PATJ: variants seen among roughly 807,000 people sequenced by gnomAD.
PATJ encodes inaD-like protein.
In PATJ, 190 loss-of-function variants were observed where a neutral mutation model predicts 224.9. That is an observed-to-expected ratio of 0.84 (90% CI 0.75 to 0.95). PATJ has a LOEUF of 0.95. PATJ is among the 40% of genes least tolerant of loss of function. The probability of loss-of-function intolerance (pLI) is 0.00; values close to 1 mark genes in which losing one functional copy is unlikely to be tolerated. For missense variants in PATJ, 2,121 were observed against 2,270.3 expected (o/e 0.93, Z 1.34); for synonymous variants, 769 against 820.3 (o/e 0.94, Z 1.07).
At chr1:61,922,170 A>G (rs1404897827) in intron 26 of PATJ, among the ~76,000 whole-genome samples, 1 of 151,974 alleles carries the variant, frequency 6.6e-6, no homozygotes, top group Non-Finnish European at 1.5e-5. Context: ...AGACTCCTAA[A>G]TAGCTGGGAC....
chr1:62,119,544 C>T (rs1441487178), intron 37 of PATJ, among the ~76,000 whole-genome samples: 1 of 151,994 alleles, frequency 6.6e-6, no homozygotes, highest in African/African-American at 2.4e-5. Flanking sequence ...AATGACTTTC[C>T]CCCAAACCAG....
At chr1:61,870,106 C>T (rs1333250433) in intron 20 of PATJ, among the ~76,000 whole-genome samples, 1 of 152,080 alleles carries the variant, frequency 6.6e-6, no homozygotes, top group African/African-American at 2.4e-5. Context: ...TGTATCCACA[C>T]TTGTGGCTCC....
intron 27 of PATJ, among the ~76,000 whole-genome samples, chr1:61,949,622 A>C (rs1009386115): frequency 6.6e-6 from 1 of 152,234 alleles, no homozygotes; most frequent in Non-Finnish European, 1.5e-5. Flanking sequence ...CAAGAAGTGA[A>C]TAGGCCAGGT....
In PATJ at chr1:61,802,802, A is replaced by G. The variant is rs1652809058; in HGVS notation, c.1549+1033A>G. Among the ~76,000 whole-genome samples, 3 of 152,086 alleles carry G rather than the reference A, an allele frequency of 2.0e-5. No individual in the cohort carries two copies. The South Asian group carries it at 6.2e-4, about 32-fold the overall frequency. ...TGTATTTTGATACCTTAGCTATTAT[A>G]GTGGACTCTACTCTCCAAGCTCATT... On this transcript the variant is annotated intron_variant, in intron 12 of 43. Coordinates refer to ENST00000642238, the MANE Select transcript of PATJ (RefSeq NM_001350145.3).
chr1:61,928,798 T>C (rs1409410638), intron 27 of PATJ, among the ~76,000 whole-genome samples: 1 of 147,168 alleles, frequency 6.8e-6, no homozygotes, highest in Admixed American at 6.7e-5. Flanking sequence ...AACGAATATA[T>C]AAATAGAAAT....
chr1:62,064,343 T>A (rs1253099754), intron 31 of PATJ, among the ~76,000 whole-genome samples: 2 of 150,808 alleles, frequency 1.3e-5, no homozygotes, highest in Non-Finnish European at 3.0e-5. Context: ...TTTTTTTTTT[T>A]AGACCGAGTC....
chr1:62,051,914 T>A (rs1653701690), intron 31 of PATJ, among the ~76,000 whole-genome samples: 1 of 152,178 alleles, frequency 6.6e-6, no homozygotes, highest in South Asian at 2.1e-4. Flanking sequence ...GTTCTTTGAT[T>A]TTCCTACACG....
At chr1:61,964,438 C>CTA (rs1681779570) in intron 27 of PATJ, among the ~76,000 whole-genome samples, 1 of 152,034 alleles carries the variant, frequency 6.6e-6, no homozygotes, top group Non-Finnish European at 1.5e-5. Context: ...AGCCAGTTAA[C>CTA]TATATATATA....
intron 27 of PATJ, among the ~76,000 whole-genome samples, chr1:61,974,287 T>C (rs1252637374): frequency 6.6e-6 from 1 of 152,016 alleles, no homozygotes; most frequent in Admixed American, 6.5e-5. Flanking sequence ...TTTTATGTTT[T>C]AAGCCTAAAG....
chr1:61,808,812 G>A (rs1654106238), intron 14 of PATJ, among the ~76,000 whole-genome samples: 1 of 152,174 alleles, frequency 6.6e-6, no homozygotes, highest in Non-Finnish European at 1.5e-5. Flanking sequence ...GGGTCTCACT[G>A]TTATGAAAGA....
Position 61,980,471 on chromosome 1 carries a change from GT to G in PATJ, c.3671-9696del, listed in dbSNP as rs1557983903. On this transcript the variant is annotated intron_variant, in intron 27 of 43. Transcript: ENST00000642238. ...TGTGTGTGTGTGTGTGTGTGTGTGT[GT>G]GTGTGTGGTATGCATTTTCATATAG... Among the ~76,000 whole-genome samples, 997 of 133,342 alleles carry G rather than the reference GT, an allele frequency of 7.5e-3. 23 individuals carry two copies. The highest frequency in any genetic ancestry group is 0.03 in the East Asian group (148 of 4,934). The allele number at this position is 133,342 out of a possible 152,430, so 87.5% of individuals were successfully genotyped here.
Position 62,017,963 on chromosome 1 carries a change from C to A in PATJ, c.3959+16C>A, listed in dbSNP as rs773200792. On this transcript the variant is annotated intron_variant, in intron 29 of 43. Coordinates refer to ENST00000642238, the MANE Select transcript of PATJ (RefSeq NM_001350145.3). The stretch of plus-strand genomic sequence containing the variant: ...TTTTCATCAGGTAAGATTGCTAGAT[C>A]TGGTTTTGCAAAATCAAAGACCTCT... The A allele has an allele frequency of 4.0e-6, 6 of 1,488,298 alleles. No individual in the cohort carries two copies. The Admixed American group carries it at 1.0e-4, about 25-fold the overall frequency. 92.2% of individuals were successfully genotyped at this position (1,488,298 alleles called of 1,614,324 possible). A position where few individuals can be genotyped will look rare whatever the true frequency, so the allele number is the denominator to read the frequency against.
At chr1:62,125,257 A>AC (rs1416041148) in intron 39 of PATJ, among the ~76,000 whole-genome samples, 1,520 of 111,630 alleles carry the variant, frequency 0.014, 64 homozygotes, top group Admixed American at 0.094. Context: ...AAAAAAACAA[A>AC]AAAAAACAAA....
intron 30 of PATJ, among the ~76,000 whole-genome samples, chr1:62,047,029 A>T (rs1426615045): frequency 1.3e-5 from 2 of 152,214 alleles, no homozygotes; most frequent in Non-Finnish European, 2.9e-5. Context: ...CTTATCTTCA[A>T]TATGCATATT....
At chr1:62,128,607 C>A in intron 40 of PATJ, 1 of 490,688 alleles carries the variant, frequency 2.0e-6, no homozygotes, top group East Asian at 3.2e-5. Flanking sequence ...CAAAAATGGC[C>A]TACTGTGCCT....
chr1:61,930,888 C>A (rs1325929413), intron 27 of PATJ, among the ~76,000 whole-genome samples: 1 of 152,102 alleles, frequency 6.6e-6, no homozygotes, highest in African/African-American at 2.4e-5. Context: ...TTAGTAGAGA[C>A]AGGGTTTCTT....
chr1:62,163,653 A>G lies in PATJ; in HGVS notation c.*2599A>G, dbSNP rs1056207542. Reference sequence around the variant, plus strand: ...CATAATCGGTTCTGTCTCCGCTCACATGACTAATACGTAATTGCCTTTCCA... The same window carrying G: ...CATAATCGGTTCTGTCTCCGCTCACGTGACTAATACGTAATTGCCTTTCCA... On this transcript the variant is annotated 3_prime_UTR_variant, in exon 44 of 44. Transcript: ENST00000642238. The G allele has an allele frequency of 6.6e-6, 1 of 152,568 alleles. No individual in the cohort carries two copies. The highest frequency in any genetic ancestry group is 1.5e-5 in the Non-Finnish European group (1 of 68,032). 9.5% of individuals were successfully genotyped at this position (152,568 alleles called of 1,614,324 possible).
chr1:62,122,823 C>CAA (rs367957104), intron 38 of PATJ, among the ~76,000 whole-genome samples, 198 bp from the exon 39 acceptor site: 3 of 127,704 alleles, frequency 2.3e-5, no homozygotes, highest in Non-Finnish European at 5.0e-5. Context: ...GACTCTGTGT[C>CAA]AAAAAAAAAA....
At chr1:61,831,529 G>A (rs369549249) in intron 16 of PATJ, among the ~76,000 whole-genome samples, 13 of 152,020 alleles carry the variant, frequency 8.6e-5, no homozygotes, top group East Asian at 1.9e-4. Flanking sequence ...AGGACACGTC[G>A]CACACTTCTC....
Sources: allele counts gnomAD v4.1 joint callset (sites outside exome capture counted in the v4.1 genomes callset), GRCh38; gene constraint gnomAD v4.1.1; transcripts MANE v1.5; gene names NCBI Gene and HGNC (gene_info 2026-07-23, HGNC 2026-07-21).